The following CHKA variants were observed in gnomAD, a reference collection of about 807,000 sequenced individuals.
CHKA encodes the protein CHETK-alpha.
A neutral mutation model predicts 60.1 loss-of-function variants in CHKA; 34 were observed. The ratio of observed to expected loss-of-function variants is 0.57; its 90% CI spans 0.43 to 0.75. The LOEUF is 0.75. CHKA is among the 30% of genes least tolerant of loss of function. The probability of loss-of-function intolerance (pLI) is 0.00; values close to 1 mark genes in which losing one functional copy is unlikely to be tolerated. For missense variants in CHKA, 563 were observed against 561.3 expected (o/e 1.00, Z -0.03); for synonymous variants, 217 against 223.1 (o/e 0.97, Z 0.24).
chr11:68,112,924 T>C lies in CHKA; in HGVS notation c.350+7904A>G, dbSNP rs565017780. 3.3e-5 allele frequency among the ~76,000 whole-genome samples: 5 copies of C among 150,362 alleles called. No individual in the cohort carries two copies. In the South Asian group the frequency reaches 1.1e-3, roughly 32 times the overall value. On this transcript the variant is annotated intron_variant, in intron 1 of 11. Coordinates refer to ENST00000265689, the MANE Select transcript of CHKA (RefSeq NM_001277.3). ...AGTGAAACCCCATCTCTACTAAAAA[T>C]ACAAAAAATTAGCCGGGCGTGGTGG...
At chr11:68,098,101 G>A (rs1225170378) in intron 1 of CHKA, among the ~76,000 whole-genome samples, 1 of 151,952 alleles carries the variant, frequency 6.6e-6, no homozygotes, top group African/African-American at 2.4e-5. Context: ...GTGAAAGCCT[G>A]TCTCTACTAA....
At chr11:68,097,800 G>A (rs1462001889) in intron 1 of CHKA, among the ~76,000 whole-genome samples, 1 of 152,094 alleles carries the variant, frequency 6.6e-6, no homozygotes, top group Non-Finnish European at 1.5e-5. Context: ...AACATTAACT[G>A]GTTACCACGG....
chr11:68,086,787 A>C (rs1253810220), intron 2 of CHKA, among the ~76,000 whole-genome samples: 2 of 152,194 alleles, frequency 1.3e-5, no homozygotes, highest in African/African-American at 2.4e-5. Context: ...GGGGATTGAG[A>C]CCATCCTGGC....
chr11:68,072,205 T>C (rs1856641759), intron 4 of CHKA, among the ~76,000 whole-genome samples: 1 of 152,152 alleles, frequency 6.6e-6, no homozygotes, highest in Non-Finnish European at 1.5e-5. Flanking sequence ...CTTTGAAAGA[T>C]GGCTACAGGA....
At chr11:68,114,996 A>G (rs1019620880) in intron 1 of CHKA, among the ~76,000 whole-genome samples, 4 of 152,242 alleles carry the variant, frequency 2.6e-5, no homozygotes, top group Admixed American at 2.6e-4. Context: ...TTTTTCGACT[A>G]TACAATGGTA....
chr11:68,096,617 C>G (rs1440202949), intron 2 of CHKA, among the ~76,000 whole-genome samples: 1 of 152,154 alleles, frequency 6.6e-6, no homozygotes, highest in East Asian at 1.9e-4. Context: ...ACTTTGTTAA[C>G]TGGGACTATC....
chr11:68,071,989 G>T (rs931026375), intron 4 of CHKA, among the ~76,000 whole-genome samples: 1 of 152,126 alleles, frequency 6.6e-6, no homozygotes, highest in African/African-American at 2.4e-5. Context: ...ATAAGAACAG[G>T]GCCTCCACTT....
intron 3 of CHKA, among the ~76,000 whole-genome samples, chr11:68,078,754 T>C (rs916029321): frequency 6.6e-6 from 1 of 152,152 alleles, no homozygotes; most frequent in Non-Finnish European, 1.5e-5. Flanking sequence ...ATCAGTACTC[T>C]TCACAAGTAT....
At chr11:68,075,482 C>T (rs904571863) in intron 3 of CHKA, among the ~76,000 whole-genome samples, 3 of 152,090 alleles carry the variant, frequency 2.0e-5, no homozygotes, top group African/African-American at 4.8e-5. Context: ...TAATAATTAA[C>T]GTGGGATCTA....
intron 1 of CHKA, among the ~76,000 whole-genome samples, chr11:68,107,693 T>G (rs868365400): frequency 7.2e-5 from 11 of 152,084 alleles, no homozygotes; most frequent in Non-Finnish European, 1.5e-4. Flanking sequence ...CCTTAGAAAG[T>G]GTTTCTAAAA....
chr11:68,107,693 T>C (rs868365400), intron 1 of CHKA, among the ~76,000 whole-genome samples: 1 of 152,084 alleles, frequency 6.6e-6, no homozygotes, highest in East Asian at 1.9e-4. Context: ...CCTTAGAAAG[T>C]GTTTCTAAAA....
Position 68,120,933 on chromosome 11 carries a change from T to C in CHKA, c.245A>G (p.Gln82Arg). 8.4e-7 allele frequency: 1 copy of C among 1,193,116 alleles called. No individual in the cohort carries two copies. Among genetic ancestry groups the C allele is most frequent in the Non-Finnish European group, 1.0e-6 (1 of 955,922 alleles). The allele number at this position is 1,193,116 out of a possible 1,614,324, so 73.9% of individuals were successfully genotyped here. ...PPPPQPPADE[Q>R]PEPRTRRRAY... ...CCTGCGCCGCGTCCGGGGCTCCGGC[T>C]GCTCGTCTGCGGGCGGCTGCGGCGG... Residue 82 changes from glutamine to arginine, a missense_variant, in exon 1 of 12, where the codon CAG (glutamine) becomes CGG (arginine). Coordinates refer to ENST00000265689, the MANE Select transcript of CHKA (RefSeq NM_001277.3).
At chr11:68,069,797 T>A (rs190173281) in intron 6 of CHKA, among the ~76,000 whole-genome samples, 1 of 152,098 alleles carries the variant, frequency 6.6e-6, no homozygotes, top group African/African-American at 2.4e-5. Context: ...GTATGAAGAC[T>A]CTGTTTCTCG....
intron 1 of CHKA, among the ~76,000 whole-genome samples, chr11:68,100,591 C>CAGTA (rs1412989319): frequency 3.0e-5 from 3 of 100,642 alleles, no homozygotes; most frequent in African/African-American, 1.2e-4. Flanking sequence ...ACATCATCTC[C>CAGTA]AATAAATAAA....
intron 2 of CHKA, among the ~76,000 whole-genome samples, chr11:68,091,605 G>C (rs1857351995): frequency 6.6e-6 from 1 of 152,226 alleles, no homozygotes; most frequent in Admixed American, 6.5e-5. Flanking sequence ...ATGTTTGTGG[G>C]ACAGAAGCTG....
chr11:68,067,429 T>C lies in CHKA; in HGVS notation c.929-913A>G, dbSNP rs138562641. On this transcript the variant is annotated intron_variant, in intron 7 of 11. Coordinates refer to ENST00000265689, the MANE Select transcript of CHKA (RefSeq NM_001277.3). ...ACCAGCCTGGGCAACACAGAGAAACTCCATCTCCACAAATAATTAGCCAGG... is the reference window on the plus strand; with the variant it reads ...ACCAGCCTGGGCAACACAGAGAAACCCCATCTCCACAAATAATTAGCCAGG... Among the ~76,000 whole-genome samples, 535 of 152,084 alleles carry C rather than the reference T, an allele frequency of 3.5e-3. 5 individuals are homozygous for C. Among genetic ancestry groups the C allele is most frequent in the African/African-American group, 0.012 (499 of 41,478 alleles).
chr11:68,083,428 CAAAT>C lies in CHKA; in HGVS notation c.463-1975_463-1972del, dbSNP rs577996175. ...ATACTTTGCAGTATAAGCTTTAAGA[CAAAT>C]AAGTTAGATACTCTTCTGAAATTGT... is the stretch of plus-strand genomic sequence containing the variant. On this transcript the variant is annotated intron_variant, in intron 2 of 11. Transcript: ENST00000265689. Among the ~76,000 whole-genome samples, 318 of 152,182 alleles carry C rather than the reference CAAAT, an allele frequency of 2.1e-3. 2 individuals are homozygous for C. Among genetic ancestry groups the C allele is most frequent in the African/African-American group, 7.6e-3 (315 of 41,524 alleles).
rs943990287 is a variant in CHKA at position 68,121,383 on chromosome 11, T to G, written c.-206A>C. On this transcript the variant is annotated 5_prime_UTR_variant, in exon 1 of 12. Coordinates refer to ENST00000265689, the MANE Select transcript of CHKA (RefSeq NM_001277.3). ...ATGTGCTGCTGGCCGCTGCACTCGCTCCTCTGCCGCCGCCGCACGAGGAGC... is the reference window on the plus strand; with the variant it reads ...ATGTGCTGCTGGCCGCTGCACTCGCGCCTCTGCCGCCGCCGCACGAGGAGC... 5.4e-6 allele frequency: 1 copy of G among 183,888 alleles called. No individual in the cohort carries two copies. The highest frequency in any genetic ancestry group is 2.4e-5 in the African/African-American group (1 of 41,948). The allele number at this position is 183,888 out of a possible 1,614,324, so 11.4% of individuals were successfully genotyped here.
chr11:68,099,551 G>A (rs548616857), intron 1 of CHKA, among the ~76,000 whole-genome samples: 1 of 152,304 alleles, frequency 6.6e-6, no homozygotes, highest in Middle Eastern at 3.4e-3. Flanking sequence ...GGAACCCAAA[G>A]TTCTTGTTTT....
Sources: gnomAD v4.1 joint callset for allele counts (sites outside exome capture counted in the v4.1 genomes callset) on GRCh38, gnomAD v4.1.1 for gene constraint, MANE v1.5 for transcripts, NCBI Gene and HGNC (gene_info 2026-07-23, HGNC 2026-07-21) for gene names.